Variants in CADPS2 observed in about 807,000 individuals in gnomAD.
CADPS2 encodes the protein calcium dependent secretion activator 2, also known as calcium-dependent secretion activator 2.
A neutral mutation model predicts 172.5 loss-of-function variants in CADPS2; 93 were observed. The observed-to-expected ratio is 0.54, with a 90% CI of 0.46 to 0.64. The LOEUF is 0.64. CADPS2 is among the 30% of genes least tolerant of loss of function. CADPS2 has a pLI of 0.00. For missense variants in CADPS2, 1,420 were observed against 1,565.9 expected (o/e 0.91, Z 1.57); for synonymous variants, 546 against 555.2 (o/e 0.98, Z 0.23).
intron 3 of CADPS2, among the ~76,000 whole-genome samples, chr7:122,634,496 T>C (rs960941593): frequency 6.6e-6 from 1 of 152,206 alleles, no homozygotes; most frequent in Non-Finnish European, 1.5e-5. Flanking sequence ...TCTTTTTTTA[T>C]ATTTCTTTGA....
chr7:122,709,416 G>A (rs1315013922), intron 2 of CADPS2, among the ~76,000 whole-genome samples: 1 of 151,800 alleles, frequency 6.6e-6, no homozygotes, highest in Non-Finnish European at 1.5e-5. Flanking sequence ...AACAGGTGCT[G>A]GAGAGGATGT....
At chr7:122,482,279 C>T (rs1025484336) in intron 11 of CADPS2, among the ~76,000 whole-genome samples, 1 of 152,082 alleles carries the variant, frequency 6.6e-6, no homozygotes, top group African/African-American at 2.4e-5. Context: ...CCAACCGCAA[C>T]CCTACCCTCT....
chr7:122,613,986 G>A (rs1587841682), intron 6 of CADPS2, among the ~76,000 whole-genome samples: 2 of 152,000 alleles, frequency 1.3e-5, no homozygotes, highest in Non-Finnish European at 2.9e-5. Context: ...CTGGGTTAAA[G>A]GGAAGGATTA....
chr7:122,581,468 C>T (rs1321727275), intron 6 of CADPS2, among the ~76,000 whole-genome samples, 178 bp from the exon 7 acceptor site: 4 of 152,102 alleles, frequency 2.6e-5, no homozygotes, highest in Non-Finnish European at 5.9e-5. Context: ...ATAAGCTTTA[C>T]AGCTTGTAAT....
At chr7:122,508,806 C>T (rs892478692) in intron 9 of CADPS2, among the ~76,000 whole-genome samples, 1 of 152,050 alleles carries the variant, frequency 6.6e-6, no homozygotes, top group East Asian at 1.9e-4. Flanking sequence ...GTTTGGAAGG[C>T]CACACTATTA....
rs750873025 is a variant in CADPS2, at chr7:122,471,471, G to T, written c.2090C>A (p.Ala697Glu). 6.2e-7 allele frequency: 1 copy of T among 1,613,196 alleles called. No individual in the cohort carries two copies. Among genetic ancestry groups the T allele is most frequent in the Non-Finnish European group, 8.5e-7 (1 of 1,179,674 alleles). ...RGCHRHLCYL[A>E]ELMEHSENGA... ...ATTTTCTGAATGTTCCATCAGTTCT[G>T]CAAGGTAGCAGAGATGTCTGTGACA... The change falls in exon 14 of 30, where the codon GCA becomes GAA. Residue 697 changes from alanine (A) to glutamate (E), a missense_variant. Ala to Glu is a moderately radical substitution (Grantham distance 107). Transcript: ENST00000449022.
chr7:122,859,943 C>T (rs762032349), intron 1 of CADPS2, among the ~76,000 whole-genome samples: 11 of 152,104 alleles, frequency 7.2e-5, no homozygotes, highest in Non-Finnish European at 7.4e-5. Flanking sequence ...AACTTCATAC[C>T]TCTGTATATC....
At chr7:122,487,654 G>T (rs2057955458) in intron 11 of CADPS2, among the ~76,000 whole-genome samples, 2 of 152,152 alleles carry the variant, frequency 1.3e-5, no homozygotes, top group Admixed American at 1.3e-4. Context: ...AGAATAAAAA[G>T]AGCTCTATGG....
chr7:122,555,034 G>A (rs181761188), intron 7 of CADPS2, among the ~76,000 whole-genome samples: 10 of 152,028 alleles, frequency 6.6e-5, no homozygotes, highest in East Asian at 3.9e-4. Context: ...GGGCAAAGCC[G>A]TTCAGAAAGA....
intron 3 of CADPS2, among the ~76,000 whole-genome samples, chr7:122,634,851 T>C (rs546590863): frequency 2.6e-5 from 4 of 152,266 alleles, no homozygotes; most frequent in African/African-American, 9.6e-5. Flanking sequence ...GTAAGTTCTG[T>C]CTCTATTTTC....
intron 17 of CADPS2, chr7:122,427,302 G>GA (rs2049293964): frequency 6.6e-6 from 1 of 151,920 alleles, no homozygotes; most frequent in South Asian, 2.1e-4. Flanking sequence ...TTTCTATGTA[G>GA]AAAATGAACT....
chr7:122,728,187 A>G lies in CADPS2; in HGVS notation c.453+8768T>C, dbSNP rs148614186. On this transcript the variant is annotated intron_variant, in intron 2 of 29. Transcript: ENST00000449022. ...TTTTCATCAAAATATTTAAATGCCA[A>G]TCTTCCCAGCTCCTCTCTCTCTCTA... Among the ~76,000 whole-genome samples, 760 of 152,068 alleles carry G rather than the reference A, an allele frequency of 5.0e-3. 7 individuals carry two copies. Among genetic ancestry groups the G allele is most frequent in the African/African-American group, 0.017 (722 of 41,536 alleles).
chr7:122,539,367 T>C (rs1016005033), intron 8 of CADPS2, among the ~76,000 whole-genome samples: 29 of 152,266 alleles, frequency 1.9e-4, no homozygotes, highest in African/African-American at 6.5e-4. Context: ...TCTTGGACTT[T>C]CCAGCTTCTA....
At chr7:122,374,735 A>T (rs892555231) in intron 25 of CADPS2, among the ~76,000 whole-genome samples, 8 of 152,018 alleles carry the variant, frequency 5.3e-5, no homozygotes, top group Admixed American at 3.3e-4. Context: ...GGCTGTGGGG[A>T]TAGGGGAGGG....
intron 1 of CADPS2, among the ~76,000 whole-genome samples, chr7:122,838,186 T>TC (rs754691139): frequency 6.6e-6 from 1 of 152,168 alleles, no homozygotes; most frequent in Non-Finnish European, 1.5e-5. Flanking sequence ...AACCACATGA[T>TC]TATCTCAACA....
chr7:122,375,589 A>G (rs2042244784), intron 25 of CADPS2, among the ~76,000 whole-genome samples: 1 of 152,100 alleles, frequency 6.6e-6, no homozygotes, highest in Admixed American at 6.6e-5. Context: ...AAATGGATCA[A>G]CAAAACCATC....
Position 122,360,933 on chromosome 7 carries a change from GA to G in CADPS2, c.3467del (p.Phe1156SerfsTer3). ...EGTFFSSILS[F>X]TVKAAAKYVD... The stretch of plus-strand genomic sequence containing the variant: ...GAGAACTCATTCAAATACTTACAGT[GA>G]ATGACAGAATGGATGAAAAGAAAGT... On this transcript the variant is annotated frameshift_variant, in exon 26 of 30. Coordinates refer to ENST00000449022, the MANE Select transcript of CADPS2 (RefSeq NM_017954.11). LOFTEE classifies it high-confidence loss of function. 6.2e-7 allele frequency: 1 copy of G among 1,613,344 alleles called. No homozygotes were observed. The highest frequency in any genetic ancestry group is 8.5e-7 in the Non-Finnish European group (1 of 1,179,546).
At chr7:122,413,122 CA>C in intron 19 of CADPS2, 1 of 152,480 alleles carries the variant, frequency 6.6e-6, no homozygotes. Flanking sequence ...TTCTTATCAG[CA>C]AAATGGTGTG....
chr7:122,857,965 G>C (rs1166863681), intron 1 of CADPS2, among the ~76,000 whole-genome samples: 1 of 152,134 alleles, frequency 6.6e-6, no homozygotes, highest in Non-Finnish European at 1.5e-5. Context: ...AGGTGGTGCA[G>C]ACCCAAAGAC....
Sources: gnomAD v4.1 joint callset for allele counts (sites outside exome capture counted in the v4.1 genomes callset) on GRCh38, gnomAD v4.1.1 for gene constraint, MANE v1.5 for transcripts, NCBI Gene and HGNC (gene_info 2026-07-23, HGNC 2026-07-21) for gene names.